Variants in CHEK1 observed in about 807,000 individuals in gnomAD.
CHEK1 encodes the protein checkpoint kinase 1.
In CHEK1, 32 loss-of-function variants were observed where a neutral mutation model predicts 60.2. That is an observed-to-expected ratio of 0.53 (90% CI 0.40 to 0.71). The LOEUF (loss-of-function observed/expected upper bound fraction) is 0.71, where lower values mean the gene tolerates loss of function less well. Among genes scored for constraint, CHEK1 ranks in the 30% least tolerant of loss-of-function variants. The probability of loss-of-function intolerance (pLI) is 0.00; values close to 1 mark genes in which losing one functional copy is unlikely to be tolerated. For synonymous variants in CHEK1, 179 were observed against 187.2 expected, an observed-to-expected ratio of 0.96 and a Z score of 0.36; for missense variants, 399 against 564.6, an observed-to-expected ratio of 0.71 and a Z score of 2.97.
In CHEK1 at chr11:125,644,128, C is replaced by T. The variant is rs1340219994; in HGVS notation, c.961C>T (p.Pro321Ser). 1.2e-6 allele frequency: 2 copies of T among 1,613,780 alleles called. No individual in the cohort carries two copies. The highest frequency in any genetic ancestry group is 1.3e-5 in the African/African-American group (1 of 74,900). ...NVKYSSSQPEPRTGLSLWDTS... is the reference protein window; with the variant it reads ...NVKYSSSQPESRTGLSLWDTS... Reference sequence around the variant, plus strand: ...GAAGTACTCCAGTTCTCAGCCAGAACCCCGCACAGGTCTTTCCTTATGGGA... The same window carrying T: ...GAAGTACTCCAGTTCTCAGCCAGAATCCCGCACAGGTCTTTCCTTATGGGA... Residue 321 changes from proline to serine, a missense_variant, in exon 10 of 13, where the codon CCC becomes TCC. Pro to Ser is a moderately conservative substitution (Grantham distance 74). Around this residue, in one of 2 missense-constraint regions of CHEK1, gnomAD observed 370 missense variants for 494.8 expected, o/e 0.75. Coordinates refer to ENST00000438015, the MANE Select transcript of CHEK1 (RefSeq NM_001114122.3).
chr11:125,675,287 G>C (rs769354384), intron 13 of CHEK1, among the ~76,000 whole-genome samples: 2 of 152,038 alleles, frequency 1.3e-5, no homozygotes, highest in Non-Finnish European at 2.9e-5. Context: ...TCCTTTCCCT[G>C]AACTCTCTGC....
At chr11:125,667,898 C>A (rs1164560604) in intron 13 of CHEK1, among the ~76,000 whole-genome samples, 2 of 152,186 alleles carry the variant, frequency 1.3e-5, no homozygotes, top group East Asian at 3.9e-4. Context: ...GCTGGGATTA[C>A]AGGCATGAGC....
At position 125,631,861 on chromosome 11, in the gene CHEK1, CAAAAAAAAAAA is replaced by C. The variant is rs57281904; in HGVS notation, c.425-1285_425-1275del. ...TGGGCAGCAGAGTGAGACACTTTCTCAAAAAAAAAAAAAAAAAAAAAAAAAAAGGGTAATCA... is the reference window on the plus strand; with the variant it reads ...TGGGCAGCAGAGTGAGACACTTTCTCAAAAAAAAAAAAAAAAGGGTAATCA... On this transcript the variant is annotated intron_variant, in intron 5 of 12. Transcript: ENST00000438015. Among the ~76,000 whole-genome samples, 38 of 51,378 alleles carry C rather than the reference CAAAAAAAAAAA, an allele frequency of 7.4e-4. No homozygotes were observed. In the East Asian group the frequency reaches 0.022, roughly 30 times the overall value. 33.7% of individuals were successfully genotyped at this position (51,378 alleles called of 152,430 possible).
At chr11:125,672,394 A>G (rs1942230364) in intron 13 of CHEK1, 2 of 579,030 alleles carry the variant, frequency 3.5e-6, no homozygotes, top group African/African-American at 1.9e-5. Context: ...AAAGAGTTGG[A>G]GCAGGGAAGA....
At chr11:125,668,104 G>A (rs1942130617) in intron 13 of CHEK1, among the ~76,000 whole-genome samples, 1 of 152,130 alleles carries the variant, frequency 6.6e-6, no homozygotes, top group Non-Finnish European at 1.5e-5. Flanking sequence ...AGAAATGAGG[G>A]TATTTAACAT....
Position 125,643,879 on chromosome 11 carries a change from C to T in CHEK1, c.902C>T (p.Ser301Phe), listed in dbSNP as rs1179637125. The stretch of plus-strand genomic sequence containing the variant: ...CACATTCAATCCAATTTGGACTTCT[C>T]TCCAGTAAACAGTGCTTCTAGGTAA... ...SKHIQSNLDF[S>F]PVNSASSEEN... Residue 301 changes from serine (S) to phenylalanine (F), a missense_variant, in exon 9 of 13, where the codon TCT becomes TTT. Around this residue, in one of 2 missense-constraint regions of CHEK1, gnomAD observed 370 missense variants for 494.8 expected, o/e 0.75. Coordinates refer to ENST00000438015, the MANE Select transcript of CHEK1 (RefSeq NM_001114122.3). 13 of 1,613,838 alleles carry T rather than the reference C, an allele frequency of 8.1e-6. No individual in the cohort carries two copies. Among genetic ancestry groups the T allele is most frequent in the Non-Finnish European group, 1.1e-5 (13 of 1,179,876 alleles).
intron 1 of CHEK1, chr11:125,626,263 C>A (rs1467939656): frequency 2.1e-5 from 11 of 527,218 alleles, no homozygotes; most frequent in Non-Finnish European, 2.7e-5. Context: ...CCCTTCCTTT[C>A]GCCTCTGGGG....
downstream of CHEK1, among the ~76,000 whole-genome samples, chr11:125,679,643 A>G (rs891127589): frequency 6.6e-6 from 1 of 152,236 alleles, no homozygotes; most frequent in Non-Finnish European, 1.5e-5. Flanking sequence ...GAAGACAAGT[A>G]GACTACAACA....
intron 5 of CHEK1, among the ~76,000 whole-genome samples, chr11:125,629,915 A>C (rs1224918583): frequency 6.6e-6 from 1 of 151,962 alleles, no homozygotes; most frequent in African/African-American, 2.4e-5. Context: ...GAAGAGGTGG[A>C]GTCTTCCTGT....
At position 125,625,891 on chromosome 11, in the gene CHEK1, G is replaced by A. The variant is rs1228589066; in HGVS notation, c.-142G>A. 1 of 702,672 alleles carries A rather than the reference G, an allele frequency of 1.4e-6. No homozygotes were observed. The highest frequency in any genetic ancestry group is 1.5e-5 in the South Asian group (1 of 67,606). 43.5% of individuals were successfully genotyped at this position (702,672 alleles called of 1,614,324 possible). The stretch of plus-strand genomic sequence containing the variant: ...CGACATTCAGAGGGGCAGGACACGG[G>A]AACGCGCGCTGTCTTGCTTTACGGC... On this transcript the variant is annotated 5_prime_UTR_variant, in exon 1 of 13. Transcript: ENST00000438015.
In CHEK1 at chr11:125,663,495, GTTTTTA is replaced by G. The variant is rs574570906; in HGVS notation, c.*27+8158_*27+8163del. Among the ~76,000 whole-genome samples the G allele has an allele frequency of 2.0e-5, 3 of 152,052 alleles. No homozygotes were observed. In the South Asian group the frequency reaches 6.2e-4, roughly 32 times the overall value. On this transcript the variant is annotated intron_variant, in intron 13 of 13. Transcript: ENST00000428830. Reference sequence around the variant, plus strand: ...TTTTAAAATTTAATATTAGAGAGCAGTTTTTATTTTTATTTGTTTATTTTTATGTAT... The same window carrying G: ...TTTTAAAATTTAATATTAGAGAGCAGTTTTTATTTGTTTATTTTTATGTAT...
chr11:125,639,240 GAA>G (rs1285696876), intron 8 of CHEK1, among the ~76,000 whole-genome samples: 7 of 152,048 alleles, frequency 4.6e-5, no homozygotes, highest in Non-Finnish European at 5.9e-5. Context: ...TGCAGCAGGA[GAA>G]AAATACCCAA....
intron 8 of CHEK1, among the ~76,000 whole-genome samples, chr11:125,640,592 C>T (rs986171031): frequency 1.3e-5 from 2 of 151,610 alleles, no homozygotes; most frequent in Non-Finnish European, 2.9e-5. Flanking sequence ...TAATTCGAGA[C>T]GGGATCTCGC....
downstream of CHEK1, among the ~76,000 whole-genome samples, chr11:125,680,122 C>T (rs1450886214): frequency 6.6e-6 from 1 of 152,252 alleles, no homozygotes; most frequent in East Asian, 1.9e-4. Context: ...CTCTGACAGT[C>T]GACATTATAG....
intron 6 of CHEK1, among the ~76,000 whole-genome samples, chr11:125,634,312 TG>T (rs1223458454): frequency 2.0e-5 from 3 of 151,850 alleles, no homozygotes; most frequent in African/African-American, 7.3e-5. Context: ...ATATTGTGTC[TG>T]TTTTTTGTTT....
At chr11:125,663,704 G>A (rs1226580637) in intron 13 of CHEK1, among the ~76,000 whole-genome samples, 1 of 152,094 alleles carries the variant, frequency 6.6e-6, no homozygotes, top group African/African-American at 2.4e-5. Context: ...TTTTGTTGCA[G>A]TTGCTTTTGA....
intron 6 of CHEK1, among the ~76,000 whole-genome samples, chr11:125,635,150 G>A (rs1255607425): frequency 1.3e-5 from 2 of 151,756 alleles, no homozygotes; most frequent in Non-Finnish European, 2.9e-5. Flanking sequence ...GTAGAGATGG[G>A]GTCTCACTAT....
chr11:125,631,690 GA>G (rs942109331), intron 5 of CHEK1, among the ~76,000 whole-genome samples: 1 of 150,700 alleles, frequency 6.6e-6, no homozygotes, highest in African/African-American at 2.4e-5. Context: ...CTGTCTTTAT[GA>G]AAAATTAAAA....
chr11:125,651,063 A>G (rs970395046), intron 11 of CHEK1, among the ~76,000 whole-genome samples: 4 of 152,166 alleles, frequency 2.6e-5, no homozygotes, highest in Admixed American at 2.6e-4. Flanking sequence ...TTAGATTCCC[A>G]GGTATATGTT....
Sources: allele counts gnomAD v4.1 joint callset (sites outside exome capture counted in the v4.1 genomes callset), GRCh38; gene constraint gnomAD v4.1.1; regional missense constraint gnomAD v4.1.1; transcripts MANE v1.5; gene names NCBI Gene and HGNC (gene_info 2026-07-23, HGNC 2026-07-21).